Variants in CUEDC1 observed in about 807,000 individuals in gnomAD.
CUEDC1 encodes the protein CUE domain-containing protein 1.
Under a neutral mutation model 43.7 loss-of-function variants are expected in CUEDC1, and 30 were observed. The ratio of observed to expected loss-of-function variants is 0.69; its 90% CI spans 0.51 to 0.93. The LOEUF (loss-of-function observed/expected upper bound fraction) is 0.93. Ranked by LOEUF, CUEDC1 falls within the 40% of genes least tolerant of loss-of-function variation. The pLI is 0.00. For missense variants in CUEDC1, 486 were observed against 549.0 expected (o/e 0.89, Z 1.15); for synonymous variants, 223 against 223.6 (o/e 1.00, Z 0.02).
intron 1 of CUEDC1, among the ~76,000 whole-genome samples, chr17:57,948,548 A>C (rs910752627): frequency 1.3e-5 from 2 of 152,294 alleles, no homozygotes; most frequent in Middle Eastern, 3.4e-3. Flanking sequence ...AAATTTAAGT[A>C]ATCTTCTAGC....
At chr17:57,874,387 G>A (rs965049392) in intron 3 of CUEDC1, among the ~76,000 whole-genome samples, 3 of 152,200 alleles carry the variant, frequency 2.0e-5, no homozygotes, top group South Asian at 2.1e-4. Flanking sequence ...TTCTGAAAAC[G>A]TGCGTGGAGA....
At chr17:57,939,561 T>G (rs532333018) in intron 1 of CUEDC1, among the ~76,000 whole-genome samples, 279 of 152,268 alleles carry the variant, frequency 1.8e-3, no homozygotes, top group African/African-American at 6.4e-3. Flanking sequence ...ATTACAGGCG[T>G]GAACCATTTC....
At chr17:57,911,105 C>T (rs922436499) in intron 1 of CUEDC1, among the ~76,000 whole-genome samples, 3 of 152,218 alleles carry the variant, frequency 2.0e-5, no homozygotes, top group Admixed American at 2.0e-4. Context: ...GCTCAGCAAG[C>T]ATCACTGTCA....
At chr17:57,940,395 T>C (rs914511543) in intron 1 of CUEDC1, among the ~76,000 whole-genome samples, 2 of 152,190 alleles carry the variant, frequency 1.3e-5, no homozygotes, top group Non-Finnish European at 2.9e-5. Context: ...TTGCCAGCCT[T>C]CCTTGCAGTG....
intron 1 of CUEDC1, among the ~76,000 whole-genome samples, chr17:57,943,911 G>C (rs1261737388): frequency 6.6e-6 from 1 of 152,166 alleles, no homozygotes; most frequent in East Asian, 1.9e-4. Flanking sequence ...AACAAGAACA[G>C]TAACAGTCAA....
intron 1 of CUEDC1, among the ~76,000 whole-genome samples, chr17:57,934,493 G>T (rs1164118488): frequency 7.1e-6 from 1 of 141,192 alleles, no homozygotes; most frequent in Non-Finnish European, 1.5e-5. Flanking sequence ...CAAATTCCAG[G>T]TTATAGTGAG....
intron 1 of CUEDC1, among the ~76,000 whole-genome samples, chr17:57,889,039 T>C (rs2685510): frequency 0.68 from 103,871 of 152,100 alleles, 35,786 homozygotes; most frequent in East Asian, 0.99. Context: ...CCAGAAGCCT[T>C]GCACTCTTGC....
chr17:57,921,699 T>C (rs562539499), intron 1 of CUEDC1, among the ~76,000 whole-genome samples: 47 of 152,288 alleles, frequency 3.1e-4, no homozygotes, highest in Non-Finnish European at 6.3e-4. Context: ...TTTGCTTTCA[T>C]GGCTTTCTAC....
intron 1 of CUEDC1, chr17:57,912,225 C>G (rs997834230): frequency 1.3e-5 from 2 of 152,206 alleles, no homozygotes; most frequent in Non-Finnish European, 2.9e-5. Context: ...GTCACACCCT[C>G]GTGTAACCAT....
chr17:57,925,642 C>T (rs767799507), intron 1 of CUEDC1, among the ~76,000 whole-genome samples: 7 of 152,126 alleles, frequency 4.6e-5, no homozygotes, highest in Non-Finnish European at 8.8e-5. Context: ...CTGCCAGTGC[C>T]GCCACCCCCA....
At chr17:57,934,569 A>ACT (rs2074842089) in intron 1 of CUEDC1, among the ~76,000 whole-genome samples, 1 of 129,280 alleles carries the variant, frequency 7.7e-6, no homozygotes, top group African/African-American at 4.0e-5. Context: ...TAAAAAAAAA[A>ACT]AAAAAAAAAA....
chr17:57,884,780 G>A (rs1034086502), intron 2 of CUEDC1, among the ~76,000 whole-genome samples: 3 of 152,196 alleles, frequency 2.0e-5, no homozygotes, highest in African/African-American at 4.8e-5. Flanking sequence ...CACTCTGGCC[G>A]TCAGTACCCG....
chr17:57,866,588 C>T (rs935854017), intron 9 of CUEDC1, 44 bp from the exon 10 acceptor site: 2 of 1,602,548 alleles, frequency 1.2e-6, no homozygotes, highest in African/African-American at 1.3e-5. Context: ...CCCTGCAGGG[C>T]CTCGCTCAGG....
intron 1 of CUEDC1, among the ~76,000 whole-genome samples, chr17:57,950,221 G>A (rs1045978042): frequency 6.6e-6 from 1 of 152,068 alleles, no homozygotes; most frequent in African/African-American, 2.4e-5. Flanking sequence ...CGCGATCTCG[G>A]CTCACTGCAA....
intron 1 of CUEDC1, among the ~76,000 whole-genome samples, chr17:57,894,409 G>A (rs2074388114): frequency 1.3e-5 from 2 of 152,170 alleles, no homozygotes; most frequent in Admixed American, 1.3e-4. Context: ...GGTGGCTCAT[G>A]CCTGTAATCC....
intron 1 of CUEDC1, among the ~76,000 whole-genome samples, chr17:57,918,985 C>G (rs1177305268): frequency 2.0e-5 from 3 of 152,066 alleles, no homozygotes; most frequent in Admixed American, 6.6e-5. Flanking sequence ...TCCCCAGTAG[C>G]TGGGATTACA....
intron 1 of CUEDC1, among the ~76,000 whole-genome samples, chr17:57,894,660 T>G (rs994402285): frequency 3.9e-5 from 6 of 152,134 alleles, no homozygotes; most frequent in Admixed American, 1.3e-4. Context: ...AGAGTGAGAC[T>G]CTGTCTCAAA....
chr17:57,913,796 A>G (rs770859549), intron 1 of CUEDC1, among the ~76,000 whole-genome samples: 24 of 152,104 alleles, frequency 1.6e-4, no homozygotes, highest in Non-Finnish European at 2.8e-4. Context: ...CCTTCTGGCC[A>G]CCACTGGCCA....
At chr17:57,931,807 C>G (rs557074162) in intron 1 of CUEDC1, among the ~76,000 whole-genome samples, 10 of 152,242 alleles carry the variant, frequency 6.6e-5, no homozygotes, top group Admixed American at 4.6e-4. Flanking sequence ...TGAAAAGCCT[C>G]CTCTGGATTG....
Sources: allele counts gnomAD v4.1 joint callset (sites outside exome capture counted in the v4.1 genomes callset), GRCh38; gene constraint gnomAD v4.1.1; transcripts MANE v1.5; gene names NCBI Gene and HGNC (gene_info 2026-07-23, HGNC 2026-07-21).